The following ZNF785 variants were observed in gnomAD, a reference collection of about 807,000 sequenced individuals.
ZNF785 encodes the protein zinc finger protein 785.
ZNF785 carries 15 observed loss-of-function variants against 11.3 expected under a neutral mutation model. That is an observed-to-expected ratio of 1.32 (90% CI 0.89 to 2.04). The LOEUF is 2.04. Among genes scored for constraint, ZNF785 ranks in the 30% most tolerant of loss-of-function variants. The pLI, the probability that ZNF785 is intolerant of heterozygous loss-of-function variation, is 0.00. For missense variants in ZNF785, 572 were observed against 560.9 expected (o/e 1.02, Z -0.20); for synonymous variants, 221 against 231.0 (o/e 0.96, Z 0.39).
chr16:30,584,875 C>G (rs977964601), intron 2 of ZNF785, among the ~76,000 whole-genome samples: 3 of 152,104 alleles, frequency 2.0e-5, no homozygotes, highest in African/African-American at 7.2e-5. Context: ...TCCCCTTTCC[C>G]TTGACCTCCT....
chr16:30,583,921 A>C (rs2051855183), intron 2 of ZNF785: 2 of 152,556 alleles, frequency 1.3e-5, no homozygotes, highest in Non-Finnish European at 2.9e-5. Context: ...TGGGGTGGGC[A>C]GATCACCTGA....
chr16:30,582,452 G>C lies in ZNF785; in HGVS notation c.*108C>G. 6.8e-6 allele frequency: 10 copies of C among 1,475,044 alleles called. No homozygotes were observed. Among genetic ancestry groups the C allele is most frequent in the Non-Finnish European group, 9.1e-6 (10 of 1,094,462 alleles). The allele number at this position is 1,475,044 out of a possible 1,614,324, so 91.4% of individuals were successfully genotyped here. On this transcript the variant is annotated 3_prime_UTR_variant, in exon 3 of 3. Coordinates refer to ENST00000395216, the MANE Select transcript of ZNF785 (RefSeq NM_152458.7). ...CCCCTACCTCTGCTTTTTACCTAAG[G>C]CAGAACTTTGTTTTCCTCAAACGCC... is the stretch of plus-strand genomic sequence containing the variant.
At chr16:30,584,861 G>C (rs1473828429) in intron 2 of ZNF785, among the ~76,000 whole-genome samples, 1 of 152,084 alleles carries the variant, frequency 6.6e-6, no homozygotes, top group African/African-American at 2.4e-5. Context: ...TCAAATTACA[G>C]GTTTCCCCTT....
chr16:30,583,730 A>C (rs1242856282), intron 2 of ZNF785: 1 of 293,098 alleles, frequency 3.4e-6, no homozygotes, highest in East Asian at 6.7e-5. Context: ...CATGGCTCAC[A>C]CCTGTTATCC....
In ZNF785 at chr16:30,582,315, T is replaced by A. The variant is rs2051820887; in HGVS notation, c.*245A>T. ...GAAAAGCCAGTTAGGTGAATGGTTT[T>A]CAGTGAAGGATGGGACGTGAACACG... On this transcript the variant is annotated 3_prime_UTR_variant, in exon 3 of 3. Transcript: ENST00000395216. The A allele has an allele frequency of 7.1e-6, 4 of 561,256 alleles. No homozygotes were observed. Among genetic ancestry groups the A allele is most frequent in the Non-Finnish European group, 1.3e-5 (4 of 318,084 alleles). 34.8% of individuals were successfully genotyped at this position (561,256 alleles called of 1,614,324 possible). A position where few individuals can be genotyped will look rare whatever the true frequency, so the allele number is the denominator to read the frequency against.
At position 30,583,213 on chromosome 16, in the gene ZNF785, T is replaced by C; in HGVS notation, c.565A>G (p.Ser189Gly). ...TCCCCGGAGTGGACCCGCTGGTGGC[T>C]GGCCAGGAGGGAAGGGTAGCTGAAG... ...RNFSYPSLLA[S>G]HQRVHSGERP... Residue 189 changes from serine (S) to glycine (G), a missense_variant, in exon 3 of 3, where the codon AGC becomes GGC. By Grantham distance (56) the Ser-to-Gly change is moderately conservative (BLOSUM62 0). Coordinates refer to ENST00000395216, the MANE Select transcript of ZNF785 (RefSeq NM_152458.7). 4.3e-6 allele frequency: 7 copies of C among 1,613,998 alleles called. No individual in the cohort carries two copies. Among genetic ancestry groups the C allele is most frequent in the Non-Finnish European group, 5.9e-6 (7 of 1,179,948 alleles).
rs777184426 is a variant in ZNF785, at chr16:30,582,732, A to C, written c.1046T>G (p.Phe349Cys). The C allele has an allele frequency of 4.3e-6, 7 of 1,611,938 alleles. No individual in the cohort carries two copies. Among genetic ancestry groups the C allele is most frequent in the Non-Finnish European group, 5.1e-6 (6 of 1,178,486 alleles). Residue 349 changes from phenylalanine to cysteine, a missense_variant, in exon 3 of 3, where the codon TTC (phenylalanine) becomes TGC (cysteine). Coordinates refer to ENST00000395216, the MANE Select transcript of ZNF785 (RefSeq NM_152458.7). ...GGCTTCCAGGGCGGTCTTGCGCTTG[A>C]AGCCTTTCCCACACTCCACGCAGGG... ...PFPCVECGKGFKRKTALEAHR... is the reference protein window; with the variant it reads ...PFPCVECGKGCKRKTALEAHR...
At chr16:30,580,378 G>A (rs1386142703), downstream of ZNF785, among the ~76,000 whole-genome samples, 6 of 123,200 alleles carry the variant, frequency 4.9e-5, no homozygotes, top group Admixed American at 8.6e-5. Context: ...TTTTTGAGAC[G>A]GAGTCTCGCT....
chr16:30,583,310 G>A lies in ZNF785; in HGVS notation c.468C>T (p.Ser156=). 6.2e-7 allele frequency: 1 copy of A among 1,614,060 alleles called. No homozygotes were observed. The highest frequency in any genetic ancestry group is 8.5e-7 in the Non-Finnish European group (1 of 1,179,908). The change falls in exon 3 of 3, where the codon AGC becomes AGT. Residue 156 remains serine, a synonymous_variant. Transcript: ENST00000395216. ...TGTCCTTGAGCCAGGGATTCATGGGGCTCTGCCTAGGGTTGCAGAACTCTG... is the reference window on the plus strand; with the variant it reads ...TGTCCTTGAGCCAGGGATTCATGGGACTCTGCCTAGGGTTGCAGAACTCTG... ...ACPEFCNPRQ[S]PMNPWLKDTL...
rs1009825053 is a variant in ZNF785 at position 30,582,896 on chromosome 16, G to C, written c.882C>G (p.Ala294=). 1 of 1,613,764 alleles carries C rather than the reference G, an allele frequency of 6.2e-7. No homozygotes were observed. The highest frequency in any genetic ancestry group is 1.1e-5 in the South Asian group (1 of 91,062). The change falls in exon 3 of 3, where the codon GCC becomes GCG. Residue 294 remains alanine, a synonymous_variant. Coordinates refer to ENST00000395216, the MANE Select transcript of ZNF785 (RefSeq NM_152458.7). ...YSCPDCSLRF[A]YTSLLAIHRR... is the part of the protein sequence containing the mutation. ...TGTGGATGGCCAGCAGGGAGGTGTAGGCGAAACGGAGGCTGCAATCGGGGC... is the reference window on the plus strand; with the variant it reads ...TGTGGATGGCCAGCAGGGAGGTGTACGCGAAACGGAGGCTGCAATCGGGGC...
rs773378032 is a variant in ZNF785, at chr16:30,585,223, A to G, written c.233T>C (p.Ile78Thr). 1 of 1,614,056 alleles carries G rather than the reference A, an allele frequency of 6.2e-7. No homozygotes were observed. The highest frequency in any genetic ancestry group is 8.5e-7 in the Non-Finnish European group (1 of 1,179,974). The change falls in exon 2 of 3, where the codon ATC (isoleucine) becomes ACC (threonine). Residue 78 changes from isoleucine to threonine, a missense_variant. Physicochemically the swap from Ile to Thr is moderately conservative, Grantham distance 89 (BLOSUM62 -1). Transcript: ENST00000395216. This position sits in a 1 kb window ranked among gnomAD's most constrained non-coding sequence, Gnocchi z 4.0. ...CTCCACTTCTCCTTCCACCCACGAG[A>G]TAAAAGCGGGTTTGGGAACTGAAAA... Reference protein sequence around the residue: ...LGFSVPKPAFISWVEGEVEAW... With the variant: ...LGFSVPKPAFTSWVEGEVEAW...
chr16:30,578,614 C>T (rs1050000301), downstream of ZNF785: 3 of 152,246 alleles, frequency 2.0e-5, no homozygotes, highest in Non-Finnish European at 4.4e-5. Context: ...ACCTCCGCCT[C>T]CTGGGGTCAA....
At position 30,582,856 on chromosome 16, in the gene ZNF785, C is replaced by T; in HGVS notation, c.922G>A (p.Gly308Ser). 1 of 1,612,254 alleles carries T rather than the reference C, an allele frequency of 6.2e-7. No homozygotes were observed. Among genetic ancestry groups the T allele is most frequent in the Non-Finnish European group, 8.5e-7 (1 of 1,179,018 alleles). ...LLAIHRRIHTGEKPYPCPDCG... is the reference protein window; with the variant it reads ...LLAIHRRIHTSEKPYPCPDCG... ...TCAGGACAGGGGTAGGGCTTCTCGC[C>T]GGTGTGTATGCGCCTGTGGATGGCC... is the stretch of plus-strand genomic sequence containing the variant. Residue 308 changes from glycine (G) to serine (S), a missense_variant, in exon 3 of 3, where the codon GGC becomes AGC. Coordinates refer to ENST00000395216, the MANE Select transcript of ZNF785 (RefSeq NM_152458.7).
Position 30,585,161 on chromosome 16 carries a change from T to C in ZNF785, c.295A>G (p.Ser99Gly). ...SPEAQDPDGE[S>G]SAAFSRGQGQ... is the part of the protein sequence containing the mutation. The stretch of plus-strand genomic sequence containing the variant: ...TGGCCCCTGCTGAAAGCTGCAGAGC[T>C]CTCACCGTCGGGATCCTGGGCCTCC... Residue 99 changes from serine to glycine, a missense_variant, in exon 2 of 3, where the codon AGC (serine) becomes GGC (glycine). Physicochemically the swap from Ser to Gly is moderately conservative, Grantham distance 56. Transcript: ENST00000395216. This position sits in a 1 kb window ranked among gnomAD's most constrained non-coding sequence, Gnocchi z 4.0. 6.2e-7 allele frequency: 1 copy of C among 1,614,000 alleles called. No individual in the cohort carries two copies. Among genetic ancestry groups the C allele is most frequent in the Non-Finnish European group, 8.5e-7 (1 of 1,179,938 alleles).
In ZNF785 at chr16:30,583,086, G is replaced by A; in HGVS notation, c.692C>T (p.Pro231Leu). The A allele has an allele frequency of 6.2e-7, 1 of 1,614,144 alleles. No individual in the cohort carries two copies. Among genetic ancestry groups the A allele is most frequent in the Non-Finnish European group, 8.5e-7 (1 of 1,180,018 alleles). Residue 231 changes from proline (P) to leucine (L), a missense_variant, in exon 3 of 3, where the codon CCC (proline) becomes CTC (leucine). Coordinates refer to ENST00000395216, the MANE Select transcript of ZNF785 (RefSeq NM_152458.7). ...IHTGEKPYPC[P>L]DCGRRFRQRG... Reference sequence around the variant, plus strand: ...CTGGCGGAAGCGGCGCCCGCAGTCGGGGCAGGGGTAGGGCTTCTCGCCGGT... The same window carrying A: ...CTGGCGGAAGCGGCGCCCGCAGTCGAGGCAGGGGTAGGGCTTCTCGCCGGT...
In ZNF785 at chr16:30,585,681, T is replaced by A; in HGVS notation, c.-70A>T. The A allele has an allele frequency of 6.9e-7, 1 of 1,442,444 alleles. No individual in the cohort carries two copies. Among genetic ancestry groups the A allele is most frequent in the Non-Finnish European group, 9.0e-7 (1 of 1,105,302 alleles). The allele number at this position is 1,442,444 out of a possible 1,614,324, so 89.4% of individuals were successfully genotyped here. On this transcript the variant is annotated 5_prime_UTR_variant, in exon 1 of 3. Coordinates refer to ENST00000395216, the MANE Select transcript of ZNF785 (RefSeq NM_152458.7). The surrounding 1 kb of genome is among the most constrained non-coding windows in gnomAD (Gnocchi z 4.0). ...GGAGATGCTGGCGCTTTCCTGTCTT[T>A]CCTCAGACAAGTCCGTAAGGGACTC...
rs935450510 is a variant in ZNF785 at position 30,580,774 on chromosome 16, T to C, written c.*1786A>G. 1.3e-5 allele frequency: 2 copies of C among 151,456 alleles called. No homozygotes were observed. Among genetic ancestry groups the C allele is most frequent in the Non-Finnish European group, 2.9e-5 (2 of 67,938 alleles). The allele number at this position is 151,456 out of a possible 1,614,324, so 9.4% of individuals were successfully genotyped here. A position where few individuals can be genotyped will look rare whatever the true frequency, so the allele number is the denominator to read the frequency against. On this transcript the variant is annotated 3_prime_UTR_variant, in exon 3 of 3. Transcript: ENST00000395216. ...TCCTCAGCCTCCCAAACTGCTAGGA[T>C]TACAGGCGTGAGCCACCGCGCCTGG...
Position 30,585,289 on chromosome 16 carries a change from G to T in ZNF785, c.206-39C>A. ...ACAATGGGCTCGGCTGAGCGCACGG[G>T]AGGGGAGAATGAGACTGCTCCCTCG... On this transcript the variant is annotated intron_variant, in intron 1 of 2. Coordinates refer to ENST00000395216, the MANE Select transcript of ZNF785 (RefSeq NM_152458.7). This position sits in a 1 kb window ranked among gnomAD's most constrained non-coding sequence, Gnocchi z 4.0. 1.2e-6 allele frequency: 2 copies of T among 1,609,878 alleles called. No individual in the cohort carries two copies. The highest frequency in any genetic ancestry group is 2.2e-5 in the South Asian group (2 of 90,712).
Position 30,582,908 on chromosome 16 carries a change from G to C in ZNF785, c.870C>G (p.Ser290Arg). The C allele has an allele frequency of 6.2e-7, 1 of 1,613,336 alleles. No individual in the cohort carries two copies. Among genetic ancestry groups the C allele is most frequent in the Non-Finnish European group, 8.5e-7 (1 of 1,179,878 alleles). Reference sequence around the variant, plus strand: ...GCAGGGAGGTGTAGGCGAAACGGAGGCTGCAATCGGGGCAGCTGTAGGGCT... The same window carrying C: ...GCAGGGAGGTGTAGGCGAAACGGAGCCTGCAATCGGGGCAGCTGTAGGGCT... The part of the protein sequence containing the change: ...GEKPYSCPDC[S>R]LRFAYTSLLA... The change falls in exon 3 of 3, where the codon AGC (serine) becomes AGG (arginine). Residue 290 changes from serine (S) to arginine (R), a missense_variant. Physicochemically the swap from Ser to Arg is moderately radical, Grantham distance 110 (BLOSUM62 -1). Transcript: ENST00000395216.
Sources: gnomAD v4.1 joint callset for allele counts (sites outside exome capture counted in the v4.1 genomes callset) on GRCh38, gnomAD v4.1.1 for gene constraint, Gnocchi (gnomAD v3.1) non-coding constraint, MANE v1.5 for transcripts, NCBI Gene and HGNC (gene_info 2026-07-23, HGNC 2026-07-21) for gene names.